Variants in DCHS1 observed in about 807,000 individuals in gnomAD.
DCHS1 encodes the protein protocadherin-16.
In DCHS1, 78 loss-of-function variants were observed where a neutral mutation model predicts 213.9. That is an observed-to-expected ratio of 0.36 (90% CI 0.30 to 0.44). The LOEUF is 0.44. Among genes scored for constraint, DCHS1 ranks in the 20% least tolerant of loss-of-function variants. The pLI is 1.00. For missense variants in DCHS1, 3,946 were observed against 4,395.9 expected (o/e 0.90, Z 2.89); for synonymous variants, 1,828 against 1,873.7 (o/e 0.98, Z 0.63).
In DCHS1 at chr11:6,634,265, G is replaced by A; in HGVS notation, c.1839C>T (p.Leu613=). ...TDADSGPFGL[L]SYSLGAGLGS... is the part of the protein sequence containing the mutation. Reference sequence around the variant, plus strand: ...CAAGTCCAGCACCCAAGGAATAGGAGAGGAGGCCAAATGGGCCACTATCCG... The same window carrying A: ...CAAGTCCAGCACCCAAGGAATAGGAAAGGAGGCCAAATGGGCCACTATCCG... Residue 613 remains leucine, a synonymous_variant, in exon 3 of 21, where the codon CTC becomes CTT. Transcript: ENST00000299441. 1 of 1,612,686 alleles carries A rather than the reference G, an allele frequency of 6.2e-7. No individual in the cohort carries two copies. The highest frequency in any genetic ancestry group is 8.5e-7 in the Non-Finnish European group (1 of 1,179,190).
Position 6,632,700 on chromosome 11 carries a change from C to A in DCHS1, c.2812G>T (p.Gly938Cys). The A allele has an allele frequency of 6.3e-7, 1 of 1,590,892 alleles. No individual in the cohort carries two copies. Among genetic ancestry groups the A allele is most frequent in the Non-Finnish European group, 8.6e-7 (1 of 1,168,282 alleles). Residue 938 changes from glycine (G) to cysteine (C), a missense_variant, in exon 6 of 21, where the codon GGT becomes TGT. Physicochemically the swap from Gly to Cys is radical, Grantham distance 159 (BLOSUM62 -3). This residue lies in a region of DCHS1 where 3,384 missense variants were observed against 3,780.1 expected (regional missense o/e 0.90). Transcript: ENST00000299441. The surrounding 1 kb of genome is among the most constrained non-coding windows in gnomAD (Gnocchi z 5.9). ...GTGGGGTCCACGGTGAAGGCTCCAC[C>A]ACCCCCAGCAAGCAGGGTAAAGGTG... Reference protein sequence around the residue: ...RVTFTLLAGGGGAFTVDPTTG... With the variant: ...RVTFTLLAGGCGAFTVDPTTG...
rs369575872 is a variant in DCHS1 at position 6,633,690 on chromosome 11, A to G, written c.2219-42T>C. ...AAGCAGAGATATATAAGGAAACATA[A>G]TAGGGCTAGAAAGGTTATGGAGGAG... is the stretch of plus-strand genomic sequence containing the variant. On this transcript the variant is annotated intron_variant, in intron 4 of 20. Coordinates refer to ENST00000299441, the MANE Select transcript of DCHS1 (RefSeq NM_003737.4). 5.0e-6 allele frequency: 8 copies of G among 1,608,430 alleles called. No individual in the cohort carries two copies. In the African/African-American group the frequency reaches 8.0e-5, roughly 16 times the overall value.
chr11:6,640,622 A>G lies in DCHS1; in HGVS notation c.992T>C (p.Val331Ala). 2 of 1,609,714 alleles carry G rather than the reference A, an allele frequency of 1.2e-6. No individual in the cohort carries two copies. Among genetic ancestry groups the G allele is most frequent in the Non-Finnish European group, 1.7e-6 (2 of 1,179,816 alleles). Reference protein sequence around the residue: ...DFEQRRVHELVVQARDGGAHP... With the variant: ...DFEQRRVHELAVQARDGGAHP... ...AGCCCCACCATCTCGTGCTTGCACC[A>G]CCAGTTCATGGACCCGCCGCTGCTC... Residue 331 changes from valine (V) to alanine (A), a missense_variant, in exon 2 of 21, where the codon GTG becomes GCG. Around this residue, in one of 3 missense-constraint regions of DCHS1, gnomAD observed 3,384 missense variants for 3,780.1 expected, o/e 0.90. Coordinates refer to ENST00000299441, the MANE Select transcript of DCHS1 (RefSeq NM_003737.4). The surrounding 1 kb of genome is among the most constrained non-coding windows in gnomAD (Gnocchi z 6.5).
rs536950900 is a variant in DCHS1, at chr11:6,641,660, C to G, written c.-47G>C. On this transcript the variant is annotated 5_prime_UTR_variant, in exon 2 of 21. Transcript: ENST00000299441. This position sits in a 1 kb window ranked among gnomAD's most constrained non-coding sequence, Gnocchi z 7.1. ...CCTTGGGCTCCAGCTCCAGGCCAGG[C>G]TCTGGGCCCAGCTTGACCTCAGACT... 2.7e-5 allele frequency: 40 copies of G among 1,493,812 alleles called. No homozygotes were observed. The African/African-American group carries it at 4.9e-4, about 18-fold the overall frequency. 92.5% of individuals were successfully genotyped at this position (1,493,812 alleles called of 1,614,324 possible). A position where few individuals can be genotyped will look rare whatever the true frequency, so the allele number is the denominator to read the frequency against.
At position 6,632,434 on chromosome 11, in the gene DCHS1, T is replaced by A. The variant is rs756382185; in HGVS notation, c.3078A>T (p.Ala1026=). 1 of 1,607,608 alleles carries A rather than the reference T, an allele frequency of 6.2e-7. No homozygotes were observed. Among genetic ancestry groups the A allele is most frequent in the Non-Finnish European group, 8.5e-7 (1 of 1,175,626 alleles). ...GTQVLQVQAQ[A]PDGGPITYHL... is the part of the protein sequence containing the mutation. ...GATAGGTGATAGGGCCCCCATCTGG[T>A]GCTTGGGCCTGCACTTGCAGGACCT... is the stretch of plus-strand genomic sequence containing the variant. Residue 1026 remains alanine (A), a synonymous_variant, in exon 6 of 21, where the codon GCA becomes GCT. Coordinates refer to ENST00000299441, the MANE Select transcript of DCHS1 (RefSeq NM_003737.4). The surrounding 1 kb of genome is among the most constrained non-coding windows in gnomAD (Gnocchi z 5.9).
intron 2 of DCHS1, among the ~76,000 whole-genome samples, chr11:6,636,523 T>A (rs912375805): frequency 5.9e-5 from 9 of 152,056 alleles, no homozygotes; most frequent in Admixed American, 5.9e-4. Flanking sequence ...ATTTATTTTT[T>A]AAGACAGGCT....
Position 6,640,728 on chromosome 11 carries a change from G to A in DCHS1, c.886C>T (p.Arg296Trp), listed in dbSNP as rs147260288. 10 of 1,613,818 alleles carry A rather than the reference G, an allele frequency of 6.2e-6. 1 individual carries two copies. The highest frequency in any genetic ancestry group is 3.3e-5 in the Admixed American group (2 of 60,004). ...VNGAVTYEIN[R>W]RQSEGDGPFS... Reference sequence around the variant, plus strand: ...GGTCCATCACCCTCGCTCTGCCTCCGGTTGATCTCGTAAGTCACAGCCCCA... The same window carrying A: ...GGTCCATCACCCTCGCTCTGCCTCCAGTTGATCTCGTAAGTCACAGCCCCA... Residue 296 changes from arginine to tryptophan, a missense_variant, in exon 2 of 21, where the codon CGG becomes TGG. Arg to Trp is a moderately radical substitution (Grantham distance 101, BLOSUM62 -3). This residue lies in a region of DCHS1 where 3,384 missense variants were observed against 3,780.1 expected (regional missense o/e 0.90). Coordinates refer to ENST00000299441, the MANE Select transcript of DCHS1 (RefSeq NM_003737.4). This position sits in a 1 kb window ranked among gnomAD's most constrained non-coding sequence, Gnocchi z 6.5.
rs1274891730 is a variant in DCHS1, at chr11:6,626,607, G to T, written c.6309C>A (p.Thr2103=). 3.1e-6 allele frequency: 5 copies of T among 1,613,912 alleles called. No homozygotes were observed. Among genetic ancestry groups the T allele is most frequent in the Non-Finnish European group, 4.2e-6 (5 of 1,179,908 alleles). ...TCTCATTCCCACTGAGAATGCTGTA[G>T]GTGATGGGTCCATTTGTGCCTCCTG... ...VHAGGTNGPI[T]YSILSGNEKG... is the part of the protein sequence containing the mutation. Residue 2103 remains threonine (T), a synonymous_variant, in exon 15 of 21, where the codon ACC becomes ACA. Transcript: ENST00000299441. The surrounding 1 kb of genome is among the most constrained non-coding windows in gnomAD (Gnocchi z 5.2).
Position 6,632,654 on chromosome 11 carries a change from A to G in DCHS1, c.2858T>C (p.Met953Thr). The G allele has an allele frequency of 1.3e-6, 2 of 1,566,008 alleles. No individual in the cohort carries two copies. Among genetic ancestry groups the G allele is most frequent in the Non-Finnish European group, 1.7e-6 (2 of 1,154,124 alleles). The stretch of plus-strand genomic sequence containing the variant: ...CCCTCCTGAGGGCCCCAGAGGCCTC[A>G]TAAGCCGTACATGGCCTGTGGTGGG... ...VDPTTGHVRLMRPLGPSGGPA... is the reference protein window; with the variant it reads ...VDPTTGHVRLTRPLGPSGGPA... The change falls in exon 6 of 21, where the codon ATG becomes ACG. Residue 953 changes from methionine (M) to threonine (T), a missense_variant. By Grantham distance (81) the Met-to-Thr change is moderately conservative. Transcript: ENST00000299441. The surrounding 1 kb of genome is among the most constrained non-coding windows in gnomAD (Gnocchi z 5.9).
chr11:6,632,221 G>C lies in DCHS1; in HGVS notation c.3291C>G (p.Asn1097Lys), dbSNP rs758706266. ...ACAAGCGGGGACTGTGTTCATTCTG[G>C]TTGAGGATGCTGACCCTCACGGTGG... is the stretch of plus-strand genomic sequence containing the variant. The part of the protein sequence containing the change: ...GTATVRVSIL[N>K]QNEHSPRLSE... The change falls in exon 6 of 21, where the codon AAC becomes AAG. Residue 1097 changes from asparagine (N) to lysine (K), a missense_variant. Physicochemically the swap from Asn to Lys is moderately conservative, Grantham distance 94. Coordinates refer to ENST00000299441, the MANE Select transcript of DCHS1 (RefSeq NM_003737.4). This position sits in a 1 kb window ranked among gnomAD's most constrained non-coding sequence, Gnocchi z 5.9. The C allele has an allele frequency of 6.2e-7, 1 of 1,613,114 alleles. No homozygotes were observed. The highest frequency in any genetic ancestry group is 8.5e-7 in the Non-Finnish European group (1 of 1,179,310).
intron 1 of DCHS1, among the ~76,000 whole-genome samples, chr11:6,648,319 T>A (rs1210128523): frequency 6.6e-6 from 1 of 152,150 alleles, no homozygotes; most frequent in Non-Finnish European, 1.5e-5. Flanking sequence ...CCTTTATTCT[T>A]CCTGGGGGCA....
At chr11:6,646,827 C>T (rs1222800600) in intron 1 of DCHS1, among the ~76,000 whole-genome samples, 2 of 152,166 alleles carry the variant, frequency 1.3e-5, no homozygotes, top group African/African-American at 4.8e-5. Flanking sequence ...CCCTCCCTCA[C>T]CAACAGAGCT....
In DCHS1 at chr11:6,630,175, T is replaced by C. The variant is rs1266704928; in HGVS notation, c.4619A>G (p.Asn1540Ser). The C allele has an allele frequency of 6.3e-7, 1 of 1,597,686 alleles. No homozygotes were observed. ...VSARVFVTDE[N>S]DNAPVFASPS... ...CGAGGCGAAGACAGGCGCGTTGTCA[T>C]TCTCATCCGTGACGAAGACGCGCGC... Residue 1540 changes from asparagine (N) to serine (S), a missense_variant, in exon 10 of 21, where the codon AAT becomes AGT. This residue lies in a region of DCHS1 where 3,384 missense variants were observed against 3,780.1 expected (regional missense o/e 0.90). Transcript: ENST00000299441.
chr11:6,653,083 G>A (rs1856267913), intron 1 of DCHS1, among the ~76,000 whole-genome samples: 1 of 152,090 alleles, frequency 6.6e-6, no homozygotes. Context: ...TTATTCTTGG[G>A]TTAAATGAAT....
In DCHS1 at chr11:6,622,571, T is replaced by A; in HGVS notation, c.9105A>T (p.Ser3035=). Residue 3035 remains serine (S), a synonymous_variant, in exon 21 of 21, where the codon TCA becomes TCT. Transcript: ENST00000299441. The surrounding 1 kb of genome is among the most constrained non-coding windows in gnomAD (Gnocchi z 5.4). ...TCTCATCATCCTCTGCAGCCTCTGC[T>A]GATCCTCGGCCACTTGAATGTGAAG... ...LDPSHSSGRG[S]AEAAEDDEIR... 6.3e-7 allele frequency: 1 copy of A among 1,580,782 alleles called. No individual in the cohort carries two copies. Among genetic ancestry groups the A allele is most frequent in the Non-Finnish European group, 8.6e-7 (1 of 1,164,032 alleles).
At chr11:6,648,123 C>G (rs1856192469) in intron 1 of DCHS1, among the ~76,000 whole-genome samples, 1 of 152,188 alleles carries the variant, frequency 6.6e-6, no homozygotes, top group South Asian at 2.1e-4. Context: ...GATATTCAAG[C>G]ACAGCTGGGT....
In DCHS1 at chr11:6,641,380, G is replaced by A. The variant is rs1856071556; in HGVS notation, c.234C>T (p.Tyr78=). Residue 78 remains tyrosine (Y), a synonymous_variant, in exon 2 of 21, where the codon TAC becomes TAT. Coordinates refer to ENST00000299441, the MANE Select transcript of DCHS1 (RefSeq NM_003737.4). This position sits in a 1 kb window ranked among gnomAD's most constrained non-coding sequence, Gnocchi z 7.1. ...LPAGTAAPLM[Y]FISAQEGSGV... Reference sequence around the variant, plus strand: ...CGCTGCCCTCTTGGGCAGAGATGAAGTACATGAGAGGAGCTGCCGTGCCTG... The same window carrying A: ...CGCTGCCCTCTTGGGCAGAGATGAAATACATGAGAGGAGCTGCCGTGCCTG... 1 of 1,613,316 alleles carries A rather than the reference G, an allele frequency of 6.2e-7. No individual in the cohort carries two copies. The highest frequency in any genetic ancestry group is 1.3e-5 in the African/African-American group (1 of 74,936).
intron 20 of DCHS1, 84 bp downstream of exon 20, chr11:6,624,646 G>A (rs1211720836): frequency 3.2e-6 from 5 of 1,580,632 alleles, no homozygotes; most frequent in Non-Finnish European, 4.3e-6. Context: ...GAGTTAAAGA[G>A]TTTGAGTAAC....
intron 1 of DCHS1, among the ~76,000 whole-genome samples, chr11:6,647,806 G>A (rs1554906327): frequency 6.6e-6 from 1 of 152,168 alleles, no homozygotes; most frequent in Non-Finnish European, 1.5e-5. Context: ...GAAGTTGAGG[G>A]GACAGAGTCC....
Sources: gnomAD v4.1 joint callset for allele counts (sites outside exome capture counted in the v4.1 genomes callset) on GRCh38, gnomAD v4.1.1 for gene constraint, gnomAD v4.1.1 regional missense constraint, Gnocchi (gnomAD v3.1) non-coding constraint, MANE v1.5 for transcripts, NCBI Gene and HGNC (gene_info 2026-07-23, HGNC 2026-07-21) for gene names.